The following CUX1 variants were observed in gnomAD, a reference collection of about 807,000 sequenced individuals.
CUX1 encodes protein CASP.
Under a neutral mutation model 158.8 loss-of-function variants are expected in CUX1, and 31 were observed. The observed-to-expected ratio is 0.20, with a 90% CI of 0.15 to 0.26. The LOEUF (loss-of-function observed/expected upper bound fraction) is 0.26, where lower values mean the gene tolerates loss of function less well. Among genes scored for constraint, CUX1 ranks in the 10% least tolerant of loss-of-function variants. The pLI, the probability that CUX1 is intolerant of heterozygous loss-of-function variation, is 1.00. For synonymous variants in CUX1, 879 were observed against 862.1 expected, an observed-to-expected ratio of 1.02 and a Z score of -0.34; for missense variants, 1,589 against 2,014.6, an observed-to-expected ratio of 0.79 and a Z score of 4.04.
intron 2 of CUX1, among the ~76,000 whole-genome samples, chr7:101,979,397 C>T (rs1342231525): frequency 1.3e-5 from 2 of 152,198 alleles, no homozygotes; most frequent in Non-Finnish European, 2.9e-5. Flanking sequence ...AATGAAATAG[C>T]ATGGAAAATG....
At chr7:101,911,513 G>A (rs1310606317) in intron 1 of CUX1, among the ~76,000 whole-genome samples, 2 of 152,126 alleles carry the variant, frequency 1.3e-5, no homozygotes, top group African/African-American at 4.8e-5. Flanking sequence ...CCTTGGCCTT[G>A]GTTCTGCTGT....
intron 1 of CUX1, chr7:101,824,789 G>T (rs188915975): frequency 1.3e-5 from 2 of 152,174 alleles, no homozygotes; most frequent in Non-Finnish European, 1.5e-5. Context: ...TTGGAAGAAA[G>T]ATACTATGTA....
At chr7:102,273,367 A>G in exon 15 of CUX1, 1 of 1,611,730 alleles carries the variant, frequency 6.2e-7, no homozygotes, top group South Asian at 1.1e-5. Flanking sequence ...TGGCCACAGG[A>G]CGCTGTGCGG....
chr7:102,132,279 A>G (rs1833343418), intron 8 of CUX1, among the ~76,000 whole-genome samples: 1 of 145,724 alleles, frequency 6.9e-6, no homozygotes, highest in East Asian at 2.0e-4. Context: ...TTTGCAATAT[A>G]TATGAGAGAG....
intron 1 of CUX1, among the ~76,000 whole-genome samples, chr7:101,841,115 G>C (rs953168367): frequency 1.3e-5 from 2 of 151,826 alleles, no homozygotes; most frequent in Non-Finnish European, 1.5e-5. Context: ...GGATGGTCTC[G>C]ATCTCCTGAC....
At position 101,944,868 on chromosome 7, in the gene CUX1, A is replaced by G. The variant is rs571249629; in HGVS notation, c.141+28643A>G. ...ACTGGTGCAGGCCGTGTTGCACATC[A>G]CTGCTGCCGGGTTGACCCCACTTGG... On this transcript the variant is annotated intron_variant, in intron 2 of 23. Coordinates refer to ENST00000292535, the MANE Select transcript of CUX1 (RefSeq NM_181552.4). Among the ~76,000 whole-genome samples the G allele has an allele frequency of 1.3e-4, 20 of 152,316 alleles. No homozygotes were observed. The South Asian group carries it at 2.9e-3, about 22-fold the overall frequency.
intron 2 of CUX1, among the ~76,000 whole-genome samples, chr7:102,012,396 C>G (rs527861361): frequency 2.6e-5 from 4 of 152,254 alleles, no homozygotes; most frequent in African/African-American, 9.6e-5. Flanking sequence ...CCATGTAGGC[C>G]AGGCTGGTCT....
At chr7:101,858,729 G>A (rs1446809494) in intron 1 of CUX1, among the ~76,000 whole-genome samples, 1 of 141,724 alleles carries the variant, frequency 7.1e-6, no homozygotes, top group Non-Finnish European at 1.5e-5. Context: ...GCAGTGGCAC[G>A]ATCTTAGCTC....
chr7:102,270,819 A>G (rs114014144), intron 14 of CUX1, among the ~76,000 whole-genome samples: 3,078 of 152,302 alleles, frequency 0.02, 97 homozygotes, highest in African/African-American at 0.07. Context: ...CCTAGGATAG[A>G]GGGTTTGCAG....
chr7:101,858,918 G>A (rs570244676), intron 1 of CUX1, among the ~76,000 whole-genome samples: 1 of 152,006 alleles, frequency 6.6e-6, no homozygotes, highest in Non-Finnish European at 1.5e-5. Context: ...CGCTTCCCTC[G>A]GTCTCCCAGG....
intron 20 of CUX1, among the ~76,000 whole-genome samples, chr7:102,208,940 C>A (rs1796228696): frequency 6.6e-6 from 1 of 152,214 alleles, no homozygotes; most frequent in Non-Finnish European, 1.5e-5. Flanking sequence ...GTTGGTTTTC[C>A]TTCCCAGGTA....
Position 102,256,958 on chromosome 7 carries a change from A to G in CUX1, c.*7916A>G, listed in dbSNP as rs1789964307. 7 of 985,286 alleles carry G rather than the reference A, an allele frequency of 7.1e-6. No homozygotes were observed. The highest frequency in any genetic ancestry group is 7.2e-6 in the Non-Finnish European group (6 of 829,966). The allele number at this position is 985,286 out of a possible 1,614,324, so 61.0% of individuals were successfully genotyped here. A position where few individuals can be genotyped will look rare whatever the true frequency, so the allele number is the denominator to read the frequency against. ...GTACCAGGCTGTGGCTTGAGGGCTC[A>G]CCTAGGAGATCATAGGCAGAGGGCC... On this transcript the variant is annotated 3_prime_UTR_variant, in exon 24 of 24. Coordinates refer to ENST00000292535, the MANE Select transcript of CUX1 (RefSeq NM_181552.4).
chr7:102,173,152 G>A (rs782267690), intron 10 of CUX1, among the ~76,000 whole-genome samples: 7 of 152,122 alleles, frequency 4.6e-5, no homozygotes, highest in Non-Finnish European at 7.4e-5. Flanking sequence ...CTGAGATCAG[G>A]AGTTTGAGAC....
At chr7:102,074,719 T>G (rs1327861344) in intron 4 of CUX1, among the ~76,000 whole-genome samples, 3 of 152,226 alleles carry the variant, frequency 2.0e-5, no homozygotes, top group African/African-American at 7.2e-5. Context: ...AGTGCCAGCT[T>G]GCATATCTGA....
chr7:102,255,911 G>A lies in CUX1; in HGVS notation c.*6869G>A. On this transcript the variant is annotated 3_prime_UTR_variant, in exon 24 of 24. Transcript: ENST00000292535. ...CTATGTGTAAAAGCTCTGTGCAATT[G>A]AAATCATTTTTCTTCATTTTAAAAA... 1 of 985,284 alleles carries A rather than the reference G, an allele frequency of 1.0e-6. No individual in the cohort carries two copies. Among genetic ancestry groups the A allele is most frequent in the Non-Finnish European group, 1.2e-6 (1 of 829,884 alleles). 61.0% of individuals were successfully genotyped at this position (985,284 alleles called of 1,614,324 possible). A position where few individuals can be genotyped will look rare whatever the true frequency, so the allele number is the denominator to read the frequency against.
rs550458153 is a variant in CUX1, at chr7:102,280,874, C to T, written c.1821+14C>T. 1.4e-5 allele frequency: 22 copies of T among 1,609,058 alleles called. 1 individual carries two copies. In the South Asian group the frequency reaches 2.3e-4, roughly 17 times the overall value. ...ACCCTCAGCATGGTGAGTCCCTGCC[C>T]CTACCCACCCCCTCCCTGGACAGGC... is the stretch of plus-strand genomic sequence containing the variant. On this transcript the variant is annotated intron_variant, in intron 20 of 22. Transcript: ENST00000292538.
chr7:101,945,439 C>T (rs951934161), intron 2 of CUX1, among the ~76,000 whole-genome samples: 1 of 152,028 alleles, frequency 6.6e-6, no homozygotes, highest in Non-Finnish European at 1.5e-5. Flanking sequence ...TAATTTATAC[C>T]TGGGAGTTAA....
At chr7:102,243,766 G>A (rs147085697) in intron 23 of CUX1, among the ~76,000 whole-genome samples, 2,945 of 151,762 alleles carry the variant, frequency 0.019, 109 homozygotes, top group African/African-American at 0.068. Flanking sequence ...GGTGGTTCAC[G>A]CCTATAATCC....
At chr7:102,077,115 G>A (rs1336069466) in intron 4 of CUX1, among the ~76,000 whole-genome samples, 2 of 151,860 alleles carry the variant, frequency 1.3e-5, no homozygotes, top group Admixed American at 6.6e-5. Flanking sequence ...GATAAGCAAA[G>A]CCCACTGGGC....
Sources: gnomAD v4.1 joint callset for allele counts (sites outside exome capture counted in the v4.1 genomes callset) on GRCh38, gnomAD v4.1.1 for gene constraint, MANE v1.5 for transcripts, NCBI Gene and HGNC (gene_info 2026-07-23, HGNC 2026-07-21) for gene names.